Variants in FBXW7 observed in about 807,000 individuals in gnomAD.
FBXW7 encodes the protein F-box and WD repeat domain containing 7.
A neutral mutation model predicts 86.3 loss-of-function variants in FBXW7; 11 were observed. The observed-to-expected ratio is 0.13, with a 90% CI of 0.08 to 0.21. The LOEUF (loss-of-function observed/expected upper bound fraction) is 0.21, where lower values mean the gene tolerates loss of function less well. Among genes scored for constraint, FBXW7 ranks in the 10% least tolerant of loss-of-function variants. FBXW7 has a pLI of 1.00. For missense variants in FBXW7, 488 were observed against 847.4 expected (o/e 0.58, Z 5.27); for synonymous variants, 313 against 297.9 (o/e 1.05, Z -0.52).
At chr4:152,377,446 C>T (rs1734650530) in intron 4 of FBXW7, among the ~76,000 whole-genome samples, 1 of 151,708 alleles carries the variant, frequency 6.6e-6, no homozygotes, top group South Asian at 2.1e-4. Context: ...TAATAAAAAG[C>T]AGTATGTTAA....
intron 2 of FBXW7, among the ~76,000 whole-genome samples, chr4:152,496,832 G>A (rs1746394919): frequency 6.6e-6 from 1 of 152,078 alleles, no homozygotes; most frequent in African/African-American, 2.4e-5. Flanking sequence ...TAGGGTCAGG[G>A]TGAAATATGA....
chr4:152,425,315 A>G (rs186471886), intron 2 of FBXW7, among the ~76,000 whole-genome samples: 51 of 152,224 alleles, frequency 3.4e-4, no homozygotes, highest in African/African-American at 1.1e-3. Context: ...ATACCCCACA[A>G]TTCTATTTTA....
chr4:152,381,942 G>C (rs1192480525), intron 4 of FBXW7, among the ~76,000 whole-genome samples: 1 of 151,984 alleles, frequency 6.6e-6, no homozygotes, highest in Middle Eastern at 3.2e-3. Flanking sequence ...ACTAATTTTA[G>C]ATAAATCTGC....
rs189065771 is a variant in FBXW7, at chr4:152,351,779, T to C, written c.502-1655A>G. Among the ~76,000 whole-genome samples the C allele has an allele frequency of 2.0e-5, 3 of 152,262 alleles. 1 individual carries two copies. The highest frequency in any genetic ancestry group is 6.5e-5 in the Admixed American group (1 of 15,290). On this transcript the variant is annotated intron_variant, in intron 4 of 13. Transcript: ENST00000281708. ...GGCTTTCAGAACTTCCCAGGATACCTTGTAAAAAACATTGGTGCAAATACC... is the reference window on the plus strand; with the variant it reads ...GGCTTTCAGAACTTCCCAGGATACCCTGTAAAAAACATTGGTGCAAATACC...
At chr4:152,346,892 A>T (rs779226946) in intron 6 of FBXW7, 38 bp downstream of exon 6, 1 of 1,609,460 alleles carries the variant, frequency 6.2e-7, no homozygotes, top group East Asian at 2.2e-5. Flanking sequence ...TGCAGCAATT[A>T]AGTGAGGCAT....
intron 2 of FBXW7, among the ~76,000 whole-genome samples, chr4:152,440,856 T>C (rs1017797123): frequency 6.6e-6 from 1 of 152,168 alleles, no homozygotes; most frequent in African/African-American, 2.4e-5. Context: ...CCACTTTCTA[T>C]TCTCTCTACC....
At chr4:152,330,977 C>A (rs1341359137) in intron 8 of FBXW7, 109 bp from the exon 9 acceptor site, 1 of 1,044,996 alleles carries the variant, frequency 9.6e-7, no homozygotes. Flanking sequence ...TGCTCAAAAC[C>A]ACTGAAATGC....
chr4:152,502,953 G>A (rs1199366351), intron 2 of FBXW7, among the ~76,000 whole-genome samples: 1 of 152,146 alleles, frequency 6.6e-6, no homozygotes, highest in Non-Finnish European at 1.5e-5. Context: ...CAACAAACGT[G>A]TTTAAAAGCT....
chr4:152,333,043 A>C (rs1729715970), intron 7 of FBXW7, among the ~76,000 whole-genome samples: 1 of 152,126 alleles, frequency 6.6e-6, no homozygotes, highest in Non-Finnish European at 1.5e-5. Flanking sequence ...TTAGTTGTTT[A>C]ACTTTTTTCT....
intron 10 of FBXW7, chr4:152,328,660 C>T (rs748325847): frequency 3.9e-4 from 90 of 230,590 alleles, no homozygotes; most frequent in Admixed American, 8.6e-4. Context: ...AAAGGAAACA[C>T]GACATGAAAG....
In FBXW7 at chr4:152,370,613, C is replaced by T. The variant is rs1446526004; in HGVS notation, c.502-20489G>A. Among the ~76,000 whole-genome samples, 4 of 151,878 alleles carry T rather than the reference C, an allele frequency of 2.6e-5. No individual in the cohort carries two copies. The East Asian group carries it at 7.7e-4, about 29-fold the overall frequency. ...TAGTGGATCACTGCAATGTTTTTAG[C>T]ATTATCTACACTTGGAGGTGCTACT... On this transcript the variant is annotated intron_variant, in intron 4 of 13. Transcript: ENST00000281708.
chr4:152,491,384 T>C (rs540451443), intron 2 of FBXW7, among the ~76,000 whole-genome samples: 148 of 152,256 alleles, frequency 9.7e-4, no homozygotes, highest in African/African-American at 3.4e-3. Context: ...TCCAAAAACT[T>C]AGGCTTAGTC....
chr4:152,493,156 TTTTTTTG>T (rs551437953), intron 2 of FBXW7, among the ~76,000 whole-genome samples: 197 of 151,770 alleles, frequency 1.3e-3, no homozygotes, highest in African/African-American at 4.5e-3. Context: ...TAAAGGATAG[TTTTTTTG>T]TTTTTTGTTT....
intron 10 of FBXW7, 78 bp from the exon 11 acceptor site, chr4:152,328,467 T>C (rs977664315): frequency 9.0e-6 from 9 of 1,001,308 alleles, no homozygotes; most frequent in African/African-American, 1.7e-5. Flanking sequence ...CTCATTAAAA[T>C]TTGGAGTAAA....
At chr4:152,397,254 G>A (rs946196524) in intron 4 of FBXW7, among the ~76,000 whole-genome samples, 2 of 151,970 alleles carry the variant, frequency 1.3e-5, no homozygotes, top group African/African-American at 4.8e-5. Context: ...GAAAAGTGCT[G>A]TCTAAAGTAT....
At chr4:152,489,192 T>C (rs1745617611) in intron 2 of FBXW7, 1 of 153,594 alleles carries the variant, frequency 6.5e-6, no homozygotes, top group South Asian at 2.1e-4. Context: ...AAGGAATTAT[T>C]AGGAAATGTC....
chr4:152,412,002 A>G (rs1738008925), intron 3 of FBXW7, 130 bp from the exon 4 acceptor site: 1 of 809,996 alleles, frequency 1.2e-6, no homozygotes, highest in Non-Finnish European at 1.8e-6. Flanking sequence ...AAGGCATTAA[A>G]ATGTTCTTTA....
chr4:152,340,503 C>T (rs1387077004), intron 6 of FBXW7, among the ~76,000 whole-genome samples: 3 of 142,562 alleles, frequency 2.1e-5, no homozygotes, highest in Non-Finnish European at 4.5e-5. Flanking sequence ...GGCGTGAACC[C>T]GGGAGGAGCT....
chr4:152,369,352 A>C (rs1359707815), intron 4 of FBXW7, among the ~76,000 whole-genome samples: 1 of 152,060 alleles, frequency 6.6e-6, no homozygotes, highest in Non-Finnish European at 1.5e-5. Context: ...CTGACCCTAT[A>C]ATCCGCGCTC....
Sources: allele counts gnomAD v4.1 joint callset (sites outside exome capture counted in the v4.1 genomes callset), GRCh38; gene constraint gnomAD v4.1.1; transcripts MANE v1.5; gene names NCBI Gene and HGNC (gene_info 2026-07-23, HGNC 2026-07-21).